OXR1: variants seen among roughly 807,000 people sequenced by gnomAD.
The protein encoded by OXR1 is oxidation resistance 1, also known as oxidation resistance protein 1.
OXR1 carries 41 observed loss-of-function variants against 104.6 expected under a neutral mutation model. The observed-to-expected ratio is 0.39, with a 90% CI of 0.31 to 0.51. OXR1 has a LOEUF of 0.51. OXR1 is among the 20% of genes least tolerant of loss of function. The pLI, the probability that OXR1 is intolerant of heterozygous loss-of-function variation, is 0.77. For synonymous variants in OXR1, 348 were observed against 348.4 expected (o/e 1.00, Z 0.01); for missense variants, 955 against 1,031.9 (o/e 0.93, Z 1.02).
At chr8:106,335,511 A>G (rs1411657550) in intron 1 of OXR1, among the ~76,000 whole-genome samples, 1 of 152,158 alleles carries the variant, frequency 6.6e-6, no homozygotes, top group Non-Finnish European at 1.5e-5. Flanking sequence ...TTTTACTCAG[A>G]CATTTCTCCA....
intron 2 of OXR1, among the ~76,000 whole-genome samples, chr8:106,361,791 G>GA (rs1054756059): frequency 6.6e-6 from 1 of 151,992 alleles, no homozygotes; most frequent in African/African-American, 2.4e-5. Flanking sequence ...ACAAAGACAT[G>GA]AAAATATTGA....
chr8:106,533,792 A>G (rs972202500), intron 3 of OXR1, among the ~76,000 whole-genome samples: 1 of 147,162 alleles, frequency 6.8e-6, no homozygotes, highest in Non-Finnish European at 1.5e-5. Context: ...TTGGCTCACC[A>G]CAAACCTCTG....
chr8:106,580,835 A>C, intron 3 of OXR1: 1 of 233,202 alleles, frequency 4.3e-6, no homozygotes, highest in Non-Finnish European at 7.0e-6. Context: ...TTTGTGAGCA[A>C]AAATGCAGGG....
At chr8:106,371,202 G>A (rs1221128336) in intron 2 of OXR1, among the ~76,000 whole-genome samples, 1 of 152,066 alleles carries the variant, frequency 6.6e-6, no homozygotes. Flanking sequence ...GGTGTTTATA[G>A]TATTCTCTGA....
chr8:106,551,845 T>C (rs1487679539), intron 3 of OXR1, among the ~76,000 whole-genome samples: 1 of 135,072 alleles, frequency 7.4e-6, no homozygotes, highest in African/African-American at 2.8e-5. Flanking sequence ...TATGTGTACA[T>C]ATATGTGTAT....
chr8:106,329,268 A>G (rs1051839909), intron 1 of OXR1, among the ~76,000 whole-genome samples: 1 of 151,814 alleles, frequency 6.6e-6, no homozygotes, highest in African/African-American at 2.4e-5. Context: ...CTGAGATTAC[A>G]GTCATGAGCC....
chr8:106,750,101 C>T (rs577388662), intron 16 of OXR1, among the ~76,000 whole-genome samples: 22 of 150,580 alleles, frequency 1.5e-4, no homozygotes, highest in African/African-American at 4.6e-4. Context: ...TGTGCCTTTG[C>T]GAAAGTCATG....
At chr8:106,586,006 T>C (rs1424872052) in intron 3 of OXR1, among the ~76,000 whole-genome samples, 1 of 152,220 alleles carries the variant, frequency 6.6e-6, no homozygotes, top group African/African-American at 2.4e-5. Flanking sequence ...ACTCTAATTC[T>C]GGGCTAGAGT....
intron 8 of OXR1, among the ~76,000 whole-genome samples, chr8:106,703,516 C>CT (rs35466416): frequency 0.14 from 19,740 of 145,784 alleles, 1,528 homozygotes; most frequent in Non-Finnish European, 0.19. Context: ...GGCAAGACAG[C>CT]TTTTTTTTTT....
chr8:106,538,834 G>A (rs910205155), intron 3 of OXR1, among the ~76,000 whole-genome samples: 9 of 152,150 alleles, frequency 5.9e-5, no homozygotes, highest in Non-Finnish European at 8.8e-5. Flanking sequence ...ATTCTTCAAC[G>A]TGGGGAAAAG....
At chr8:106,563,928 C>A (rs953640627) in intron 3 of OXR1, among the ~76,000 whole-genome samples, 7 of 152,246 alleles carry the variant, frequency 4.6e-5, no homozygotes, top group South Asian at 2.1e-4. Context: ...TAAATAAGTT[C>A]TTTGAAACCA....
chr8:106,457,039 G>T (rs1378126186), intron 2 of OXR1, among the ~76,000 whole-genome samples: 2 of 152,096 alleles, frequency 1.3e-5, no homozygotes, highest in Non-Finnish European at 2.9e-5. Context: ...TCCATTTCTT[G>T]AGCTAGAATT....
At chr8:106,376,943 T>C (rs2130392764) in intron 2 of OXR1, among the ~76,000 whole-genome samples, 1 of 152,328 alleles carries the variant, frequency 6.6e-6, no homozygotes, top group South Asian at 2.1e-4. Context: ...GATGTAAGTC[T>C]TCTATACTAA....
chr8:106,487,457 T>C (rs1810757918), intron 2 of OXR1, among the ~76,000 whole-genome samples: 1 of 151,642 alleles, frequency 6.6e-6, no homozygotes, highest in Admixed American at 6.6e-5. Flanking sequence ...AATTTTAGGG[T>C]ACATGTGCAC....
At chr8:106,506,833 C>G (rs570735304) in intron 2 of OXR1, among the ~76,000 whole-genome samples, 3 of 151,880 alleles carry the variant, frequency 2.0e-5, no homozygotes, top group Admixed American at 6.6e-5. Context: ...GTTTATGCCT[C>G]TAATCCCAAC....
At chr8:106,481,876 T>C (rs1258691385) in intron 2 of OXR1, among the ~76,000 whole-genome samples, 2 of 152,060 alleles carry the variant, frequency 1.3e-5, no homozygotes, top group African/African-American at 4.8e-5. Context: ...TATGGGTAGA[T>C]GAAGTAATTC....
chr8:106,402,913 C>T (rs1241713081), intron 2 of OXR1, among the ~76,000 whole-genome samples: 5 of 152,108 alleles, frequency 3.3e-5, no homozygotes, highest in Admixed American at 6.5e-5. Flanking sequence ...CTCCGCCTCC[C>T]AGGTTCACAC....
At chr8:106,697,563 C>G (rs750948362) in intron 7 of OXR1, 13 of 1,611,422 alleles carry the variant, frequency 8.1e-6, no homozygotes, top group Admixed American at 3.3e-5. Flanking sequence ...TCTTAGGGAA[C>G]CAGTTGGGAT....
intron 2 of OXR1, among the ~76,000 whole-genome samples, chr8:106,505,637 C>T (rs1421996318): frequency 1.3e-5 from 2 of 152,076 alleles, no homozygotes; most frequent in African/African-American, 2.4e-5. Flanking sequence ...TCAGAGGAGA[C>T]TTAAAAAATA....
Sources: gnomAD v4.1 joint callset for allele counts (sites outside exome capture counted in the v4.1 genomes callset) on GRCh38, gnomAD v4.1.1 for gene constraint, MANE v1.5 for transcripts, NCBI Gene and HGNC (gene_info 2026-07-23, HGNC 2026-07-21) for gene names.